The following NETO2 variants were observed in gnomAD, a reference collection of about 807,000 sequenced individuals.
The protein encoded by NETO2 is neuropilin and tolloid-like protein 2.
A neutral mutation model predicts 62.5 loss-of-function variants in NETO2; 28 were observed. The observed-to-expected ratio is 0.45, with a 90% CI of 0.33 to 0.61. NETO2 has a LOEUF of 0.61. Among genes scored for constraint, NETO2 ranks in the 20% least tolerant of loss-of-function variants. The pLI, the probability that NETO2 is intolerant of heterozygous loss-of-function variation, is 0.02. For missense variants in NETO2, 548 were observed against 643.2 expected (o/e 0.85, Z 1.60); for synonymous variants, 214 against 219.1 (o/e 0.98, Z 0.21).
chr16:47,128,228 T>A (rs1964194457), intron 4 of NETO2, 97 bp downstream of exon 4: 2 of 1,427,866 alleles, frequency 1.4e-6, no homozygotes, highest in Admixed American at 4.6e-5. Context: ...CTTGATTTGA[T>A]TAACTTGACC....
At chr16:47,113,107 T>C (rs954705538) in intron 6 of NETO2, among the ~76,000 whole-genome samples, 1 of 152,252 alleles carries the variant, frequency 6.6e-6, no homozygotes, top group Non-Finnish European at 1.5e-5. Flanking sequence ...GGTATACATC[T>C]AGAAGTATAC....
chr16:47,141,640 T>C (rs1206623877), intron 1 of NETO2, among the ~76,000 whole-genome samples: 4 of 152,212 alleles, frequency 2.6e-5, no homozygotes, highest in African/African-American at 9.6e-5. Flanking sequence ...CACAGACGAC[T>C]TTAAAAATAA....
chr16:47,126,347 G>A (rs1056786593), intron 4 of NETO2, among the ~76,000 whole-genome samples: 1 of 152,128 alleles, frequency 6.6e-6, no homozygotes, highest in African/African-American at 2.4e-5. Context: ...AAGACATGGA[G>A]GAAACTTATA....
chr16:47,086,451 T>G, intron 7 of NETO2, 112 bp from the exon 8 acceptor site: 1 of 665,848 alleles, frequency 1.5e-6, no homozygotes, highest in Non-Finnish European at 2.7e-6. Flanking sequence ...GGCCTTTCCT[T>G]GAATAAACTC....
rs1964221729 is a variant in NETO2, at chr16:47,129,460, C to T, written c.92-96G>A. 1.6e-6 allele frequency: 2 copies of T among 1,226,496 alleles called. 1 individual carries two copies. The highest frequency in any genetic ancestry group is 2.8e-5 in the South Asian group (2 of 72,650). The allele number at this position is 1,226,496 out of a possible 1,614,324, so 76.0% of individuals were successfully genotyped here. A position where few individuals can be genotyped will look rare whatever the true frequency, so the allele number is the denominator to read the frequency against. ...TTTCCAAACGATTGCTCACTCTATG[C>T]TACATATATAAAATTTTCTAAGAAC... On this transcript the variant is annotated intron_variant, in intron 2 of 8. Transcript: ENST00000562435.
intron 2 of NETO2, among the ~76,000 whole-genome samples, chr16:47,130,454 A>AAAT (rs959301817): frequency 1.3e-5 from 2 of 150,632 alleles, no homozygotes; most frequent in Non-Finnish European, 3.0e-5. Context: ...ATAAATAAAT[A>AAAT]AATAATAATA....
intron 1 of NETO2, among the ~76,000 whole-genome samples, chr16:47,142,449 A>G (rs879585220): frequency 2.0e-5 from 3 of 152,242 alleles, no homozygotes; most frequent in African/African-American, 7.2e-5. Flanking sequence ...TGAACTTTCT[A>G]ATAAAACAAA....
At chr16:47,116,094 G>A (rs993532924) in intron 6 of NETO2, among the ~76,000 whole-genome samples, 4 of 150,902 alleles carry the variant, frequency 2.7e-5, no homozygotes, top group Non-Finnish European at 5.9e-5. Context: ...GAAGGGGAAA[G>A]AATTCAGGTT....
intron 8 of NETO2, among the ~76,000 whole-genome samples, chr16:47,085,978 C>T (rs1245994105): frequency 6.6e-6 from 1 of 151,698 alleles, no homozygotes; most frequent in Non-Finnish European, 1.5e-5. Flanking sequence ...TGGTGGCAGG[C>T]ACCTGTAGTC....
At chr16:47,131,642 C>T (rs113694271) in intron 2 of NETO2, among the ~76,000 whole-genome samples, 1 of 152,298 alleles carries the variant, frequency 6.6e-6, no homozygotes, top group African/African-American at 2.4e-5. Context: ...TGAAGTGTTT[C>T]ATTTGTTTAA....
intron 3 of NETO2, among the ~76,000 whole-genome samples, 174 bp from the exon 4 acceptor site, chr16:47,128,747 A>G: frequency 6.6e-6 from 1 of 152,150 alleles, no homozygotes; most frequent in South Asian, 2.1e-4. Context: ...AAATAATGCT[A>G]CTCTGTAGAA....
Position 47,098,318 on chromosome 16 carries a change from T to C in NETO2, c.883+11165A>G, listed in dbSNP as rs981433605. Among the ~76,000 whole-genome samples the C allele has an allele frequency of 3.9e-5, 6 of 152,206 alleles. No individual in the cohort carries two copies. In the East Asian group the frequency reaches 1.2e-3, roughly 29 times the overall value. ...GAATTGCTAACTAGAACAACCAGTTTAGAGAAGAACATAAATGACCTGATG... is the reference window on the plus strand; with the variant it reads ...GAATTGCTAACTAGAACAACCAGTTCAGAGAAGAACATAAATGACCTGATG... On this transcript the variant is annotated intron_variant, in intron 7 of 8. Coordinates refer to ENST00000562435, the MANE Select transcript of NETO2 (RefSeq NM_018092.5).
chr16:47,129,404 A>G (rs16952501), intron 2 of NETO2, 40 bp from the exon 3 acceptor site: 64,635 of 1,599,780 alleles, frequency 0.04, 1,453 homozygotes, highest in African/African-American at 0.07. Flanking sequence ...ATTACAGCAA[A>G]AGAGAATCAT....
intron 7 of NETO2, among the ~76,000 whole-genome samples, chr16:47,086,907 T>C (rs1217508624): frequency 6.6e-6 from 1 of 152,198 alleles, no homozygotes; most frequent in African/African-American, 2.4e-5. Flanking sequence ...GATGGGTGGA[T>C]GGATAAACAA....
intron 7 of NETO2, among the ~76,000 whole-genome samples, chr16:47,103,057 T>C (rs1963590203): frequency 2.0e-5 from 3 of 152,146 alleles, no homozygotes; most frequent in East Asian, 1.9e-4. Flanking sequence ...TCATCAATGA[T>C]AGACTGGATA....
At chr16:47,114,987 C>A (rs1277395932) in intron 6 of NETO2, among the ~76,000 whole-genome samples, 2 of 152,048 alleles carry the variant, frequency 1.3e-5, no homozygotes, top group Non-Finnish European at 2.9e-5. Context: ...ATTGTTCCAG[C>A]ACCATCTGTT....
intron 7 of NETO2, among the ~76,000 whole-genome samples, chr16:47,086,674 C>T (rs1400542540): frequency 6.6e-6 from 1 of 152,156 alleles, no homozygotes; most frequent in Non-Finnish European, 1.5e-5. Flanking sequence ...CACTGGAACC[C>T]TTCTGTACTG....
chr16:47,084,782 C>A (rs1963148708), intron 8 of NETO2, among the ~76,000 whole-genome samples: 1 of 152,190 alleles, frequency 6.6e-6, no homozygotes, highest in East Asian at 1.9e-4. Context: ...GCCTGATGAT[C>A]TGTCACTGTC....
intron 1 of NETO2, among the ~76,000 whole-genome samples, chr16:47,140,259 C>T (rs1307230506): frequency 6.6e-6 from 1 of 152,096 alleles, no homozygotes; most frequent in Non-Finnish European, 1.5e-5. Context: ...TCTTAAGATG[C>T]TCCTTTCCAA....
Sources: allele counts gnomAD v4.1 joint callset (sites outside exome capture counted in the v4.1 genomes callset), GRCh38; gene constraint gnomAD v4.1.1; transcripts MANE v1.5; gene names NCBI Gene and HGNC (gene_info 2026-07-23, HGNC 2026-07-21).